COL4A4: variants seen among roughly 807,000 people sequenced by gnomAD.
COL4A4 encodes the protein collagen type IV alpha 4 chain.
Under a neutral mutation model 192.9 loss-of-function variants are expected in COL4A4, and 105 were observed. The ratio of observed to expected loss-of-function variants is 0.54; its 90% CI spans 0.46 to 0.64. The LOEUF is 0.64. COL4A4 is among the 30% of genes least tolerant of loss of function. The pLI is 0.00. For synonymous variants in COL4A4, 762 were observed against 769.9 expected (o/e 0.99, Z 0.17); for missense variants, 1,967 against 2,169.3 (o/e 0.91, Z 1.85).
chr2:227,064,283 T>C (rs1487132627), intron 25 of COL4A4, among the ~76,000 whole-genome samples: 2 of 151,944 alleles, frequency 1.3e-5, no homozygotes, highest in Non-Finnish European at 2.9e-5. Flanking sequence ...CAGTGGAAAG[T>C]TTTAACAATA....
At chr2:227,072,784 T>C (rs2058797790) in intron 25 of COL4A4, among the ~76,000 whole-genome samples, 1 of 151,910 alleles carries the variant, frequency 6.6e-6, no homozygotes, top group African/African-American at 2.4e-5. Flanking sequence ...CACATAAACA[T>C]AATTAAAAAC....
intron 31 of COL4A4, among the ~76,000 whole-genome samples, chr2:227,053,159 G>A (rs1337032073): frequency 6.6e-6 from 1 of 151,972 alleles, no homozygotes; most frequent in African/African-American, 2.4e-5. Flanking sequence ...TTTTTAGTGG[G>A]ATAATTGTAT....
chr2:226,977,749 A>G, the COL4A4 span, among the ~76,000 whole-genome samples: 1 of 152,262 alleles, frequency 6.6e-6, no homozygotes, highest in Non-Finnish European at 1.5e-5. Context: ...TGCTAATTGA[A>G]GAAATCTTTT....
intron 43 of COL4A4, 63 bp downstream of exon 43, chr2:227,025,739 C>A: frequency 6.9e-7 from 1 of 1,446,446 alleles, no homozygotes; most frequent in Non-Finnish European, 9.7e-7. Flanking sequence ...GGAAAAAGGA[C>A]AAGTACAGAA....
Position 227,113,316 on chromosome 2 carries a change from G to T in COL4A4, c.558+1312C>A, listed in dbSNP as rs11686140. On this transcript the variant is annotated intron_variant, in intron 8 of 47. Transcript: ENST00000396625. Reference sequence around the variant, plus strand: ...TCTCTCAAAGGTTATTGATCTACAGGTCATTTTTATTAGGGATCTTCTGTT... The same window carrying T: ...TCTCTCAAAGGTTATTGATCTACAGTTCATTTTTATTAGGGATCTTCTGTT... Among the ~76,000 whole-genome samples the T allele has an allele frequency of 5.9e-5, 9 of 151,914 alleles. No homozygotes were observed. The East Asian group carries it at 1.7e-3, about 29-fold the overall frequency.
chr2:227,147,181 C>A (rs1277595822), intron 2 of COL4A4: 9 of 654,242 alleles, frequency 1.4e-5, no homozygotes, highest in Admixed American at 1.3e-4. Context: ...GAATCTGGGG[C>A]CTTTCCTTGT....
chr2:227,150,090 T>C (rs1419851954), intron 1 of COL4A4, among the ~76,000 whole-genome samples: 2 of 152,196 alleles, frequency 1.3e-5, no homozygotes, highest in African/African-American at 2.4e-5. Context: ...TCTCAATATA[T>C]ATTGGTTGGG....
chr2:227,092,567 G>A (rs1015606645), intron 20 of COL4A4, among the ~76,000 whole-genome samples: 4 of 152,184 alleles, frequency 2.6e-5, no homozygotes, highest in Admixed American at 6.5e-5. Context: ...GAGTTAGAGT[G>A]TATAATGATG....
At chr2:227,021,601 G>A (rs1256161659) in intron 44 of COL4A4, among the ~76,000 whole-genome samples, 1 of 152,118 alleles carries the variant, frequency 6.6e-6, no homozygotes, top group African/African-American at 2.4e-5. Context: ...TGAGGCAGGC[G>A]GATCACGAGG....
chr2:227,056,518 G>A (rs1011139988), intron 29 of COL4A4, among the ~76,000 whole-genome samples: 3 of 152,228 alleles, frequency 2.0e-5, no homozygotes, highest in African/African-American at 7.2e-5. Flanking sequence ...AAATATGGCT[G>A]TAGCGGAAAG....
rs776227562 is a variant in COL4A4 at position 227,010,390 on chromosome 2, A to T, written c.4445T>A (p.Leu1482Gln). 4 of 1,614,036 alleles carry T rather than the reference A, an allele frequency of 2.5e-6. No homozygotes were observed. Among genetic ancestry groups the T allele is most frequent in the Non-Finnish European group, 3.4e-6 (4 of 1,179,982 alleles). Residue 1482 changes from leucine (L) to glutamine (Q), a missense_variant, in exon 46 of 48, where the codon CTG becomes CAG. Leu to Gln is a moderately radical substitution (Grantham distance 113). Transcript: ENST00000396625. Reference protein sequence around the residue: ...SQTDQEPTCPLGMPRLWTGYS... With the variant: ...SQTDQEPTCPQGMPRLWTGYS... ...CCCAGTCCAGAGCCTGGGCATGCCC[A>T]GGGGGCAGGTGGGCTCCTGGTCCGT...
chr2:226,978,824 C>T, the COL4A4 span, among the ~76,000 whole-genome samples: 1 of 152,064 alleles, frequency 6.6e-6, no homozygotes, highest in Non-Finnish European at 1.5e-5. Context: ...TGTGTTTGAG[C>T]CAAGAGCTAG....
At chr2:227,163,620 A>G (rs1225094611) in intron 1 of COL4A4, among the ~76,000 whole-genome samples, 1 of 152,224 alleles carries the variant, frequency 6.6e-6, no homozygotes, top group East Asian at 1.9e-4. Flanking sequence ...GGCCACCCCC[A>G]GGAAGAGCGC....
intron 4 of COL4A4, among the ~76,000 whole-genome samples, chr2:227,130,910 C>T (rs913718635): frequency 1.3e-5 from 2 of 151,994 alleles, no homozygotes; most frequent in Non-Finnish European, 2.9e-5. Flanking sequence ...CAAATATGTC[C>T]ACCTCCCATC....
chr2:227,010,593 A>C, intron 45 of COL4A4, 92 bp from the exon 46 acceptor site: 1 of 1,092,628 alleles, frequency 9.2e-7, no homozygotes, highest in Non-Finnish European at 1.3e-6. Flanking sequence ...TGTGCTAAGC[A>C]CTCAGGGAGC....
At chr2:227,075,314 G>C (rs550729843) in intron 25 of COL4A4, among the ~76,000 whole-genome samples, 1 of 152,064 alleles carries the variant, frequency 6.6e-6, no homozygotes, top group South Asian at 2.1e-4. Flanking sequence ...GATCAAGTCT[G>C]GGATGCAAGG....
At position 227,032,069 on chromosome 2, in the gene COL4A4, T is replaced by A. The variant is rs567283141; in HGVS notation, c.3707-14A>T. The stretch of plus-strand genomic sequence containing the variant: ...GTCCTGAACTCCCTAAGAAGAGACA[T>A]GTTCACATGTTATCCTCATTGCATT... On this transcript the variant is annotated splice_polypyrimidine_tract_variant and intron_variant, in intron 39 of 47. Transcript: ENST00000396625. 30 of 1,613,844 alleles carry A rather than the reference T, an allele frequency of 1.9e-5. 1 individual carries two copies. In the South Asian group the frequency reaches 3.1e-4, roughly 17 times the overall value.
chr2:226,983,202 C>G, the COL4A4 span, among the ~76,000 whole-genome samples: 1 of 152,118 alleles, frequency 6.6e-6, no homozygotes, highest in Non-Finnish European at 1.5e-5. Context: ...ATTTCTGGGT[C>G]CCCCAACAGA....
rs755514200 is a variant in COL4A4 at position 227,026,494 on chromosome 2, G to A, written c.4082-684C>T. Among the ~76,000 whole-genome samples the A allele has an allele frequency of 2.1e-3, 300 of 142,144 alleles. 1 individual carries two copies. Among genetic ancestry groups the A allele is most frequent in the Admixed American group, 4.5e-3 (64 of 14,070 alleles). The allele number at this position is 142,144 out of a possible 152,430, so 93.3% of individuals were successfully genotyped here. ...AGCCTGGGTGACAAAGCGAGACTCC[G>A]TCTCAAAAAAAAAAAAAAAAAGAAT... On this transcript the variant is annotated intron_variant, in intron 42 of 47. Coordinates refer to ENST00000396625, the MANE Select transcript of COL4A4 (RefSeq NM_000092.5).
Sources: allele counts gnomAD v4.1 joint callset (sites outside exome capture counted in the v4.1 genomes callset), GRCh38; gene constraint gnomAD v4.1.1; transcripts MANE v1.5; gene names NCBI Gene and HGNC (gene_info 2026-07-23, HGNC 2026-07-21).